Variants in CNN2 observed in about 807,000 individuals in gnomAD.
CNN2 encodes the protein calponin-2.
CNN2 carries 21 observed loss-of-function variants against 31.0 expected under a neutral mutation model. The ratio of observed to expected loss-of-function variants is 0.68; its 90% CI spans 0.48 to 0.98. The LOEUF (loss-of-function observed/expected upper bound fraction) is 0.98, where lower values mean the gene tolerates loss of function less well. Among genes scored for constraint, CNN2 ranks in the 50% least tolerant of loss-of-function variants. The probability of loss-of-function intolerance (pLI) is 0.00; values close to 1 mark genes in which losing one functional copy is unlikely to be tolerated. For missense variants in CNN2, 399 were observed against 427.3 expected, an observed-to-expected ratio of 0.93 and a Z score of 0.58; for synonymous variants, 165 against 179.6, an observed-to-expected ratio of 0.92 and a Z score of 0.65.
chr19:1,035,987 A>C, intron 4 of CNN2, 143 bp from the exon 5 acceptor site: 1 of 1,319,904 alleles, frequency 7.6e-7, no homozygotes, highest in Non-Finnish European at 1.0e-6. Context: ...AGTCCCAGAC[A>C]CCCGAGAGAT....
chr19:1,036,748 C>T (rs2039594752), intron 6 of CNN2, 186 bp downstream of exon 6: 4 of 722,822 alleles, frequency 5.5e-6, no homozygotes, highest in Non-Finnish European at 9.4e-6. Context: ...GTCATTTCCA[C>T]CTGGCTGTGG....
At chr19:1,036,633 G>A in intron 6 of CNN2, 71 bp downstream of exon 6, 3 of 1,583,256 alleles carry the variant, frequency 1.9e-6, no homozygotes, top group Non-Finnish European at 2.6e-6. Context: ...GCCCCTCCCT[G>A]GGGCCACCTC....
chr19:1,033,638 G>A lies in CNN2; in HGVS notation c.390+942G>A, dbSNP rs528865099. On this transcript the variant is annotated intron_variant, in intron 4 of 6. Transcript: ENST00000263097. ...CGTGGGTGGGACAGTGGTGTAGACC[G>A]GGAGCGTGGGTGGGACAGTGTCTGG... 5.1e-4 allele frequency among the ~76,000 whole-genome samples: 76 copies of A among 150,188 alleles called. No homozygotes were observed. The South Asian group carries it at 8.3e-3, about 16-fold the overall frequency.
At chr19:1,029,086 C>T (rs1381972828) in intron 1 of CNN2, among the ~76,000 whole-genome samples, 2 of 141,734 alleles carry the variant, frequency 1.4e-5, no homozygotes, top group South Asian at 2.3e-4. Flanking sequence ...CAGGCAGGTC[C>T]AGCTCAGGGG....
intron 6 of CNN2, chr19:1,037,019 G>A (rs954224927): frequency 1.9e-4 from 44 of 229,356 alleles, no homozygotes; most frequent in African/African-American, 9.4e-4. Flanking sequence ...TGCCACACCC[G>A]GCCAATTTTT....
At position 1,036,257 on chromosome 19, in the gene CNN2, G is replaced by C; in HGVS notation, c.507+11G>C. The C allele has an allele frequency of 1.3e-6, 2 of 1,568,044 alleles. No individual in the cohort carries two copies. The highest frequency in any genetic ancestry group is 1.7e-6 in the Non-Finnish European group (2 of 1,153,396). ...GTCATCGGGCTGCAGGTGGGCGACA[G>C]CTCCCCCAGCCCCAGGGACCACGGC... On this transcript the variant is annotated intron_variant, in intron 5 of 6. Coordinates refer to ENST00000263097, the MANE Select transcript of CNN2 (RefSeq NM_004368.4).
rs367569605 is a variant in CNN2, at chr19:1,031,064, C to G, written c.64-7C>G. On this transcript the variant is annotated splice_region_variant and splice_polypyrimidine_tract_variant and intron_variant, in intron 1 of 6. Coordinates refer to ENST00000263097, the MANE Select transcript of CNN2 (RefSeq NM_004368.4). ...CCAGCTCAGTCTCGTGCCCTTTGCT[C>G]CACCAGCTCCTGTCCAAATATGACC... is the stretch of plus-strand genomic sequence containing the variant. 3.7e-6 allele frequency: 6 copies of G among 1,610,516 alleles called. No homozygotes were observed. Among genetic ancestry groups the G allele is most frequent in the African/African-American group, 1.3e-5 (1 of 74,834 alleles).
rs779381190 is a variant in CNN2 at position 1,031,152 on chromosome 19, G to T, written c.145G>T (p.Asp49Tyr). ...EGLTGLSIGP[D>Y]FQKGLKDGTI... is the part of the protein sequence containing the mutation. ...ACTCACCGGCCTCTCCATCGGCCCC[G>T]ACTTCCAGAAGGGCCTGAAGGATGG... is the stretch of plus-strand genomic sequence containing the variant. The change falls in exon 2 of 7, where the codon GAC (aspartate) becomes TAC (tyrosine). Residue 49 changes from aspartate to tyrosine, a missense_variant. Coordinates refer to ENST00000263097, the MANE Select transcript of CNN2 (RefSeq NM_004368.4). 1 of 1,613,234 alleles carries T rather than the reference G, an allele frequency of 6.2e-7. No homozygotes were observed. The highest frequency in any genetic ancestry group is 8.5e-7 in the Non-Finnish European group (1 of 1,179,850).
At chr19:1,029,712 T>TC (rs898266042) in intron 1 of CNN2, among the ~76,000 whole-genome samples, 2 of 151,586 alleles carry the variant, frequency 1.3e-5, no homozygotes, top group African/African-American at 4.9e-5. Flanking sequence ...TTCTTTCTTT[T>TC]TTTTTTTAAG....
intron 4 of CNN2, among the ~76,000 whole-genome samples, chr19:1,035,166 G>A (rs1228769624): frequency 4.4e-5 from 6 of 136,440 alleles, no homozygotes; most frequent in Non-Finnish European, 3.2e-5. Context: ...GGGTGGGACG[G>A]TGTCTGGTGT....
rs774177585 is a variant in CNN2 at position 1,031,195 on chromosome 19, G to C, written c.185+3G>C. On this transcript the variant is annotated splice_donor_region_variant and intron_variant, in intron 2 of 6. Coordinates refer to ENST00000263097, the MANE Select transcript of CNN2 (RefSeq NM_004368.4). Reference sequence around the variant, plus strand: ...AAGGATGGAACTATCTTATGCACGTGAGTACACGCAGGGACACAGGCTGTC... The same window carrying C: ...AAGGATGGAACTATCTTATGCACGTCAGTACACGCAGGGACACAGGCTGTC... 1 of 1,607,348 alleles carries C rather than the reference G, an allele frequency of 6.2e-7. No homozygotes were observed. Among genetic ancestry groups the C allele is most frequent in the Non-Finnish European group, 8.5e-7 (1 of 1,175,446 alleles).
rs2039522826 is a variant in CNN2 at position 1,032,889 on chromosome 19, C to T, written c.390+193C>T. 54 of 526,168 alleles carry T rather than the reference C, an allele frequency of 1.0e-4. 1 individual carries two copies. In the South Asian group the frequency reaches 1.1e-3, roughly 11 times the overall value. 32.6% of individuals were successfully genotyped at this position (526,168 alleles called of 1,614,324 possible). ...CAACTCCCAGGTTCAAGCGATTCTT[C>T]TGCCTCAGTCTCCCGAGTAGCTGGG... On this transcript the variant is annotated intron_variant, in intron 4 of 6. Coordinates refer to ENST00000263097, the MANE Select transcript of CNN2 (RefSeq NM_004368.4).
intron 1 of CNN2, among the ~76,000 whole-genome samples, chr19:1,028,786 C>T (rs1329517106): frequency 6.6e-6 from 1 of 152,132 alleles, no homozygotes; most frequent in Non-Finnish European, 1.5e-5. Context: ...CGCGGCGCAG[C>T]TGGGCAAGGC....
rs1402565742 is a variant in CNN2, at chr19:1,038,000, C to G, written c.*100C>G. The G allele has an allele frequency of 2.5e-6, 3 of 1,220,306 alleles. No individual in the cohort carries two copies. The highest frequency in any genetic ancestry group is 3.4e-6 in the Non-Finnish European group (3 of 888,548). The allele number at this position is 1,220,306 out of a possible 1,614,324, so 75.6% of individuals were successfully genotyped here. On this transcript the variant is annotated 3_prime_UTR_variant, in exon 7 of 7. Coordinates refer to ENST00000263097, the MANE Select transcript of CNN2 (RefSeq NM_004368.4). ...TTTTTTTTTCTTAACCCGTTCAGTG[C>G]TGCCAGTCAACCAAGGGTCTGTGAG...
intron 4 of CNN2, 184 bp from the exon 5 acceptor site, chr19:1,035,942 GAAAC>G: frequency 1.2e-6 from 1 of 823,008 alleles, no homozygotes; most frequent in South Asian, 3.6e-5. Context: ...ATAAAAAACT[GAAAC>G]AGCTGTATGA....
At chr19:1,026,747 C>T (rs199879454) in intron 1 of CNN2, 23 bp downstream of exon 1, 4 of 1,544,532 alleles carry the variant, frequency 2.6e-6, no homozygotes, top group Non-Finnish European at 3.5e-6. Context: ...CGCCCCTTGT[C>T]CCCCCGACAG....
rs370451484 is a variant in CNN2 at position 1,026,618 on chromosome 19, C to T, written c.-44C>T. The T allele has an allele frequency of 1.4e-6, 2 of 1,465,290 alleles. No homozygotes were observed. The highest frequency in any genetic ancestry group is 2.6e-5 in the South Asian group (2 of 77,458). The allele number at this position is 1,465,290 out of a possible 1,614,324, so 90.8% of individuals were successfully genotyped here. ...CCGCGCCAGCCCGGCGGTCCCGTCCCGTCCCGTCCTGTGCGGCCCCGTCCC... is the reference window on the plus strand; with the variant it reads ...CCGCGCCAGCCCGGCGGTCCCGTCCTGTCCCGTCCTGTGCGGCCCCGTCCC... On this transcript the variant is annotated 5_prime_UTR_variant, in exon 1 of 7. Coordinates refer to ENST00000263097, the MANE Select transcript of CNN2 (RefSeq NM_004368.4).
At position 1,037,910 on chromosome 19, in the gene CNN2, C is replaced by T. The variant is rs968366955; in HGVS notation, c.*10C>T. The stretch of plus-strand genomic sequence containing the variant: ...GGAGGCCGGCTACTGAGGCTCCCAG[C>T]ACGCTCTCTCCCCACATCGTCTGCC... On this transcript the variant is annotated 3_prime_UTR_variant, in exon 7 of 7. Transcript: ENST00000263097. The T allele has an allele frequency of 6.4e-7, 1 of 1,560,000 alleles. No homozygotes were observed. Among genetic ancestry groups the T allele is most frequent in the Non-Finnish European group, 8.7e-7 (1 of 1,151,188 alleles).
At chr19:1,033,614 G>A (rs143869515) in intron 4 of CNN2, among the ~76,000 whole-genome samples, 7 of 152,276 alleles carry the variant, frequency 4.6e-5, no homozygotes, top group South Asian at 2.1e-4. Context: ...GACCGGGAGC[G>A]TGGGTGGGAC....
Sources: allele counts gnomAD v4.1 joint callset (sites outside exome capture counted in the v4.1 genomes callset), GRCh38; gene constraint gnomAD v4.1.1; transcripts MANE v1.5; gene names NCBI Gene and HGNC (gene_info 2026-07-23, HGNC 2026-07-21).